Variants in RIMS1 observed in about 807,000 individuals in gnomAD.
RIMS1 encodes regulating synaptic membrane exocytosis protein 1.
In RIMS1, 83 loss-of-function variants were observed where a neutral mutation model predicts 214.1. The observed-to-expected ratio is 0.39, with a 90% confidence interval of 0.32 to 0.47. The LOEUF (loss-of-function observed/expected upper bound fraction) is 0.47. RIMS1 is among the 20% of genes least tolerant of loss of function. The pLI is 0.99. For synonymous variants in RIMS1, 793 were observed against 786.8 expected (o/e 1.01, Z -0.13); for missense variants, 2,050 against 2,161.8 (o/e 0.95, Z 1.03).
intron 6 of RIMS1, among the ~76,000 whole-genome samples, chr6:72,185,725 C>A (rs758567410): frequency 9.9e-5 from 15 of 152,144 alleles, no homozygotes; most frequent in Non-Finnish European, 2.1e-4. Flanking sequence ...CATACAGAAA[C>A]CAATTTTTAG....
chr6:72,309,126 G>A (rs1455350478), intron 27 of RIMS1, among the ~76,000 whole-genome samples: 2 of 152,054 alleles, frequency 1.3e-5, no homozygotes, highest in East Asian at 1.9e-4. Context: ...AGAAAGAGGC[G>A]AGTAAAGAAT....
chr6:72,149,356 C>T (rs995043223), intron 4 of RIMS1, among the ~76,000 whole-genome samples: 1 of 152,202 alleles, frequency 6.6e-6, no homozygotes, highest in African/African-American at 2.4e-5. Context: ...GGCTAACACC[C>T]TAACACCCCC....
chr6:72,010,319 G>A (rs1809925796), intron 2 of RIMS1, among the ~76,000 whole-genome samples: 1 of 152,114 alleles, frequency 6.6e-6, no homozygotes, highest in Non-Finnish European at 1.5e-5. Flanking sequence ...AGGTATCGAT[G>A]GGACATATCT....
At chr6:72,358,205 A>T (rs1271025394) in intron 29 of RIMS1, among the ~76,000 whole-genome samples, 1 of 152,172 alleles carries the variant, frequency 6.6e-6, no homozygotes, top group Non-Finnish European at 1.5e-5. Flanking sequence ...AAGCATAGGT[A>T]CTGTAAAATA....
intron 29 of RIMS1, among the ~76,000 whole-genome samples, chr6:72,361,214 T>C (rs1373109347): frequency 1.4e-5 from 2 of 139,458 alleles, no homozygotes; most frequent in African/African-American, 5.3e-5. Flanking sequence ...CAAGCAATAC[T>C]CCTGCCTCAG....
intron 4 of RIMS1, among the ~76,000 whole-genome samples, chr6:72,103,333 C>G (rs184050996): frequency 6.6e-6 from 1 of 152,208 alleles, no homozygotes; most frequent in Non-Finnish European, 1.5e-5. Flanking sequence ...CCTGTTTTAA[C>G]CTCTTGCATT....
chr6:72,044,049 G>C (rs867927932), intron 2 of RIMS1, among the ~76,000 whole-genome samples: 1 of 151,090 alleles, frequency 6.6e-6, no homozygotes. Context: ...ATTAAAAACT[G>C]GTGTGTATTT....
chr6:72,156,778 T>G (rs1463462482), intron 4 of RIMS1, among the ~76,000 whole-genome samples: 3 of 140,822 alleles, frequency 2.1e-5, no homozygotes, highest in African/African-American at 7.4e-5. Flanking sequence ...TCAATTACAA[T>G]TAAAGCTGAG....
intron 28 of RIMS1, chr6:72,316,951 G>A: frequency 1.5e-6 from 1 of 652,808 alleles, no homozygotes; most frequent in South Asian, 1.5e-5. Context: ...GAGAGACCAG[G>A]CCCTAGGCTC....
chr6:72,077,293 T>C (rs572125551), intron 2 of RIMS1, among the ~76,000 whole-genome samples: 10 of 152,252 alleles, frequency 6.6e-5, no homozygotes, highest in Non-Finnish European at 1.3e-4. Context: ...TATTTCTCCA[T>C]GTTCTTTTGT....
chr6:71,978,191 C>A (rs1189156381), intron 2 of RIMS1, among the ~76,000 whole-genome samples: 3 of 152,056 alleles, frequency 2.0e-5, no homozygotes, highest in Admixed American at 1.3e-4. Flanking sequence ...TCTTTGAATG[C>A]GGAATGCATA....
At chr6:71,956,734 A>G (rs943529022) in intron 1 of RIMS1, among the ~76,000 whole-genome samples, 4 of 152,126 alleles carry the variant, frequency 2.6e-5, no homozygotes, top group Admixed American at 2.6e-4. Context: ...ACGTGGTCCA[A>G]GTTATGGAGT....
chr6:71,939,334 G>C (rs1017636004), intron 1 of RIMS1, among the ~76,000 whole-genome samples: 14 of 152,232 alleles, frequency 9.2e-5, no homozygotes, highest in African/African-American at 2.9e-4. Context: ...CAATCTTCAT[G>C]CTCTACTCCT....
At chr6:72,379,900 G>T (rs1170767943) in intron 29 of RIMS1, among the ~76,000 whole-genome samples, 2 of 152,160 alleles carry the variant, frequency 1.3e-5, no homozygotes, top group African/African-American at 4.8e-5. Context: ...TAGTCTGCCT[G>T]TTGAGATTGG....
intron 18 of RIMS1, 50 bp from the exon 19 acceptor site, chr6:72,260,655 C>T (rs746187446): frequency 4.4e-6 from 7 of 1,602,668 alleles, no homozygotes; most frequent in African/African-American, 2.7e-5. Context: ...TGGCATAACC[C>T]ATGTCTCATA....
intron 24 of RIMS1, among the ~76,000 whole-genome samples, chr6:72,285,605 T>G (rs1376221330): frequency 6.6e-6 from 1 of 152,182 alleles, no homozygotes. Context: ...AGGGGACTCA[T>G]GAAAAGTGTT....
At chr6:72,083,909 C>G (rs1000766348) in intron 2 of RIMS1, among the ~76,000 whole-genome samples, 1 of 152,176 alleles carries the variant, frequency 6.6e-6, no homozygotes. Flanking sequence ...TATGCCTGAA[C>G]TATTATATTT....
intron 4 of RIMS1, chr6:72,126,833 G>A (rs1359956949): frequency 6.0e-6 from 1 of 166,586 alleles, no homozygotes; most frequent in Non-Finnish European, 1.3e-5. Flanking sequence ...ACTGCTGGTA[G>A]GAAGGTAAAC....
At chr6:71,956,463 C>T (rs1180920881) in intron 1 of RIMS1, among the ~76,000 whole-genome samples, 1 of 151,752 alleles carries the variant, frequency 6.6e-6, no homozygotes, top group African/African-American at 2.4e-5. Context: ...TCCTTTGATC[C>T]CTGACCAAAA....
Sources: allele counts gnomAD v4.1 joint callset (sites outside exome capture counted in the v4.1 genomes callset), GRCh38; gene constraint gnomAD v4.1.1; transcripts MANE v1.5; gene names NCBI Gene and HGNC (gene_info 2026-07-23, HGNC 2026-07-21).